CTNNA3: variants seen among roughly 807,000 people sequenced by gnomAD.
CTNNA3 encodes catenin alpha 3.
CTNNA3 carries 76 observed loss-of-function variants against 95.7 expected under a neutral mutation model. The observed-to-expected ratio is 0.79, with a 90% CI of 0.66 to 0.96. The LOEUF is 0.96. CTNNA3 is among the 40% of genes least tolerant of loss of function. The pLI is 0.00. For missense variants in CTNNA3, 1,191 were observed against 1,089.8 expected, an observed-to-expected ratio of 1.09 and a Z score of -1.31; for synonymous variants, 431 against 374.4, an observed-to-expected ratio of 1.15 and a Z score of -1.74.
intron 10 of CTNNA3, among the ~76,000 whole-genome samples, chr10:66,535,702 A>G (rs1298151114): frequency 6.6e-6 from 1 of 152,068 alleles, no homozygotes. Flanking sequence ...CTCATTTTCA[A>G]CCCTGTGGTG....
chr10:67,516,749 T>C (rs552436927), intron 5 of CTNNA3, among the ~76,000 whole-genome samples: 2 of 152,312 alleles, frequency 1.3e-5, no homozygotes, highest in South Asian at 4.1e-4. Flanking sequence ...TTGATCAATA[T>C]CTACTAATTT....
intron 7 of CTNNA3, among the ~76,000 whole-genome samples, chr10:66,789,437 A>G (rs1271140512): frequency 1.3e-5 from 2 of 152,108 alleles, no homozygotes; most frequent in Non-Finnish European, 1.5e-5. Flanking sequence ...AGCCTCCCAA[A>G]GTGCTGGGAT....
chr10:66,510,728 C>T (rs766647149), intron 11 of CTNNA3, among the ~76,000 whole-genome samples: 28 of 151,666 alleles, frequency 1.8e-4, no homozygotes, highest in Non-Finnish European at 3.4e-4. Flanking sequence ...TCCTTGTATC[C>T]TTGGAATAAA....
chr10:67,171,575 A>C (rs1046599516), intron 7 of CTNNA3, among the ~76,000 whole-genome samples: 1 of 142,142 alleles, frequency 7.0e-6, no homozygotes, highest in Non-Finnish European at 1.5e-5. Flanking sequence ...ACTCTGTCTC[A>C]AAAAAAAAAA....
chr10:67,299,619 T>C (rs1033482229), intron 5 of CTNNA3, among the ~76,000 whole-genome samples: 7 of 152,228 alleles, frequency 4.6e-5, no homozygotes, highest in Admixed American at 2.6e-4. Flanking sequence ...TATGGGGTTT[T>C]AGTGCAGCAC....
At chr10:66,055,995 C>T (rs2394188) in intron 15 of CTNNA3, among the ~76,000 whole-genome samples, 35,078 of 147,366 alleles carry the variant, frequency 0.24, 4,131 homozygotes, top group Middle Eastern at 0.27. Context: ...CATTTCTTTT[C>T]AATTTGAATG....
chr10:67,434,477 T>G (rs1846230592), intron 5 of CTNNA3, among the ~76,000 whole-genome samples: 1 of 151,962 alleles, frequency 6.6e-6, no homozygotes, highest in Non-Finnish European at 1.5e-5. Flanking sequence ...TTTAACAGTG[T>G]CGAGATTAAA....
Position 66,105,601 on chromosome 10 carries a change from A to C in CTNNA3, c.1885-2352T>G, listed in dbSNP as rs967105412. Among the ~76,000 whole-genome samples the C allele has an allele frequency of 7.9e-5, 12 of 152,380 alleles. No homozygotes were observed. The East Asian group carries it at 1.3e-3, about 17-fold the overall frequency. Reference sequence around the variant, plus strand: ...ACAATTGCTGCTATCAGAAGTCACAAGTGCCATTTTTGTTGGGGATGCTGT... The same window carrying C: ...ACAATTGCTGCTATCAGAAGTCACACGTGCCATTTTTGTTGGGGATGCTGT... On this transcript the variant is annotated intron_variant, in intron 13 of 17. Transcript: ENST00000433211.
intron 1 of CTNNA3, among the ~76,000 whole-genome samples, chr10:67,725,995 ATATAT>A (rs1490610454): frequency 7.3e-6 from 1 of 137,008 alleles, no homozygotes; most frequent in Non-Finnish European, 1.5e-5. Context: ...ACTATATATT[ATATAT>A]TATATATCTA....
chr10:67,244,443 T>C (rs533469179), intron 5 of CTNNA3, among the ~76,000 whole-genome samples: 1 of 152,324 alleles, frequency 6.6e-6, no homozygotes, highest in South Asian at 2.1e-4. Context: ...ATTCATCTGA[T>C]CGAGGAAAAC....
chr10:66,929,975 C>A (rs1489354883), intron 7 of CTNNA3, among the ~76,000 whole-genome samples: 1 of 152,170 alleles, frequency 6.6e-6, no homozygotes, highest in Non-Finnish European at 1.5e-5. Flanking sequence ...TTGCCAACCC[C>A]TACATCTTTA....
chr10:66,698,045 T>C (rs1847827638), intron 9 of CTNNA3, among the ~76,000 whole-genome samples: 1 of 152,120 alleles, frequency 6.6e-6, no homozygotes. Context: ...AAACGGAATA[T>C]TTCCTTTCAG....
At chr10:66,180,241 A>G (rs2085970057) in intron 13 of CTNNA3, among the ~76,000 whole-genome samples, 1 of 152,178 alleles carries the variant, frequency 6.6e-6, no homozygotes, top group Non-Finnish European at 1.5e-5. Context: ...CAAAAGCCGA[A>G]AATGAGCTGG....
chr10:67,339,550 T>C (rs2132609358), intron 5 of CTNNA3, among the ~76,000 whole-genome samples: 1 of 152,316 alleles, frequency 6.6e-6, no homozygotes, highest in Non-Finnish European at 1.5e-5. Context: ...TTCCATAAAA[T>C]ATCCCAGTTT....
intron 10 of CTNNA3, among the ~76,000 whole-genome samples, chr10:66,589,090 CTT>C (rs1843459888): frequency 6.6e-6 from 1 of 151,916 alleles, no homozygotes; most frequent in Non-Finnish European, 1.5e-5. Flanking sequence ...TAAAATGTAT[CTT>C]GTTTTTCTTT....
rs530289124 is a variant in CTNNA3, at chr10:67,546,423, C to T, written c.293-6754G>A. ...GCTGGGATTATAGCCATGACCCACC[C>T]CACTGAGCTAAATTTGACAATAATT... On this transcript the variant is annotated intron_variant, in intron 3 of 17. Coordinates refer to ENST00000433211, the MANE Select transcript of CTNNA3 (RefSeq NM_013266.4). Among the ~76,000 whole-genome samples, 12 of 152,130 alleles carry T rather than the reference C, an allele frequency of 7.9e-5. No individual in the cohort carries two copies. In the South Asian group the frequency reaches 2.5e-3, roughly 32 times the overall value.
At chr10:66,114,336 ATT>A (rs1351781670) in intron 13 of CTNNA3, among the ~76,000 whole-genome samples, 1 of 151,980 alleles carries the variant, frequency 6.6e-6, no homozygotes, top group Non-Finnish European at 1.5e-5. Flanking sequence ...CACTTGAAAT[ATT>A]GTTAACTGAA....
At chr10:66,071,239 C>G (rs2080427862) in intron 14 of CTNNA3, among the ~76,000 whole-genome samples, 1 of 152,126 alleles carries the variant, frequency 6.6e-6, no homozygotes, top group Non-Finnish European at 1.5e-5. Flanking sequence ...TATATATCGC[C>G]AGGTGGCTAT....
intron 7 of CTNNA3, among the ~76,000 whole-genome samples, chr10:67,096,774 C>T (rs1858019501): frequency 6.6e-6 from 1 of 151,804 alleles, no homozygotes; most frequent in African/African-American, 2.4e-5. Flanking sequence ...CAAGGGAGTC[C>T]CTTCCTCATG....
Sources: allele counts gnomAD v4.1 joint callset (sites outside exome capture counted in the v4.1 genomes callset), GRCh38; gene constraint gnomAD v4.1.1; transcripts MANE v1.5; gene names NCBI Gene and HGNC (gene_info 2026-07-23, HGNC 2026-07-21).